ANKRD18A: variants seen among roughly 807,000 people sequenced by gnomAD.
ANKRD18A encodes the protein ankyrin repeat domain-containing protein 18A.
ANKRD18A carries 72 observed loss-of-function variants against 110.6 expected under a neutral mutation model. The observed-to-expected ratio is 0.65, with a 90% confidence interval of 0.54 to 0.79. ANKRD18A has a LOEUF of 0.79. Among genes scored for constraint, ANKRD18A ranks in the 30% least tolerant of loss-of-function variants. The pLI is 0.00. For synonymous variants in ANKRD18A, 305 were observed against 410.3 expected (o/e 0.74, Z 3.10); for missense variants, 934 against 1,163.3 (o/e 0.80, Z 2.87).
intron 15 of ANKRD18A, among the ~76,000 whole-genome samples, chr9:38,574,953 G>A (rs1231828145): frequency 6.6e-6 from 1 of 151,976 alleles, no homozygotes; most frequent in Non-Finnish European, 1.5e-5. Flanking sequence ...AATTAGCCAG[G>A]TGTGGTGGCA....
chr9:38,612,521 C>CTTTTTCTT (rs1554679656), intron 3 of ANKRD18A, among the ~76,000 whole-genome samples: 170 of 124,282 alleles, frequency 1.4e-3, no homozygotes, highest in African/African-American at 5.1e-3. Context: ...TTTTCTTTTT[C>CTTTTTCTT]TTTTTTTTTT....
At chr9:38,612,521 C>CTTTTTCT (rs1554679656) in intron 3 of ANKRD18A, among the ~76,000 whole-genome samples, 5 of 124,312 alleles carry the variant, frequency 4.0e-5, no homozygotes, top group African/African-American at 1.7e-4. Context: ...TTTTCTTTTT[C>CTTTTTCT]TTTTTTTTTT....
At chr9:38,587,378 C>T (rs1824431618) in intron 11 of ANKRD18A, among the ~76,000 whole-genome samples, 1 of 152,056 alleles carries the variant, frequency 6.6e-6, no homozygotes, top group African/African-American at 2.4e-5. Context: ...AGACACATTC[C>T]ATTTTTTTAA....
intron 5 of ANKRD18A, among the ~76,000 whole-genome samples, chr9:38,608,697 T>A (rs1443823138): frequency 6.8e-6 from 1 of 146,364 alleles, no homozygotes; most frequent in Non-Finnish European, 1.5e-5. Flanking sequence ...AATAATATAA[T>A]TATATACATT....
At chr9:38,567,365 CA>C (rs1468080440), downstream of ANKRD18A, 2 of 152,230 alleles carry the variant, frequency 1.3e-5, no homozygotes, top group Non-Finnish European at 2.9e-5. Flanking sequence ...GAACTGGAAA[CA>C]GTGCACAATC....
chr9:38,573,141 A>AAAT (rs753717567), intron 15 of ANKRD18A: 48 of 1,178,940 alleles, frequency 4.1e-5, no homozygotes, highest in Admixed American at 6.7e-5. Flanking sequence ...TAAAATAAGT[A>AAAT]AATAATAATA....
chr9:38,570,370 C>T (rs185182733), downstream of ANKRD18A, among the ~76,000 whole-genome samples: 1,040 of 152,282 alleles, frequency 6.8e-3, 15 homozygotes, highest in African/African-American at 0.023. Flanking sequence ...TGACCAGGCT[C>T]CAAGCCACTA....
At chr9:38,617,332 C>T (rs1473891983) in intron 1 of ANKRD18A, among the ~76,000 whole-genome samples, 4 of 152,018 alleles carry the variant, frequency 2.6e-5, no homozygotes, top group African/African-American at 7.2e-5. Context: ...CCCAGCTACT[C>T]GGGAGGCTGA....
At chr9:38,567,512 A>T (rs1823510962), downstream of ANKRD18A, 1 of 152,938 alleles carries the variant, frequency 6.5e-6, no homozygotes, top group Admixed American at 6.5e-5. Context: ...TTTCAGCCAC[A>T]GTGTCCAAAG....
intron 1 of ANKRD18A, among the ~76,000 whole-genome samples, chr9:38,619,654 A>G: frequency 6.6e-6 from 1 of 152,206 alleles, no homozygotes; most frequent in Non-Finnish European, 1.5e-5. Context: ...GAGTCTTCCC[A>G]TTCAAGGAAC....
downstream of ANKRD18A, chr9:38,569,118 C>T (rs183535510): frequency 2.0e-6 from 2 of 985,384 alleles, no homozygotes; most frequent in South Asian, 4.7e-5. Flanking sequence ...GATGCAGGAA[C>T]CAAGTAGGGC....
chr9:38,569,081 C>T (rs543425736), downstream of ANKRD18A: 9,782 of 985,314 alleles, frequency 9.9e-3, 68 homozygotes, highest in Non-Finnish European at 0.011. Context: ...CCATGTTGGG[C>T]TGGTCACTAC....
At chr9:38,609,683 C>T (rs2118862428) in intron 5 of ANKRD18A, among the ~76,000 whole-genome samples, 1 of 151,706 alleles carries the variant, frequency 6.6e-6, no homozygotes, top group East Asian at 1.9e-4. Flanking sequence ...GGCCTTTTCC[C>T]CTCTTCTTCT....
At chr9:38,610,231 C>T in intron 5 of ANKRD18A, 42 bp downstream of exon 5, 1 of 1,467,606 alleles carries the variant, frequency 6.8e-7, no homozygotes, top group Non-Finnish European at 9.0e-7. Flanking sequence ...TTATTTTAAA[C>T]CTTAATTTAG....
At position 38,620,588 on chromosome 9, in the gene ANKRD18A, A is replaced by G; in HGVS notation, c.-303T>C. ...CTGAACCTCAGCGCTCCGAACTCTC[A>G]GACCGAGTGAGTCCCCGCGATGCCA... On this transcript the variant is annotated 5_prime_UTR_variant, in exon 1 of 16. Coordinates refer to ENST00000399703, the MANE Select transcript of ANKRD18A (RefSeq NM_147195.4). 3.8e-6 allele frequency: 3 copies of G among 794,402 alleles called. No homozygotes were observed. Among genetic ancestry groups the G allele is most frequent in the Non-Finnish European group, 5.0e-6 (3 of 599,142 alleles). 49.2% of individuals were successfully genotyped at this position (794,402 alleles called of 1,614,324 possible).
chr9:38,596,465 C>A, intron 8 of ANKRD18A, 62 bp from the exon 9 acceptor site: 1 of 1,302,812 alleles, frequency 7.7e-7, no homozygotes. Flanking sequence ...ATGGTTATTT[C>A]TGAAGTGAAA....
Position 38,588,687 on chromosome 9 carries a change from A to C in ANKRD18A, c.2005-24T>G, listed in dbSNP as rs1363034503. The C allele has an allele frequency of 9.5e-6, 12 of 1,263,722 alleles. 1 individual carries two copies. The East Asian group carries it at 3.5e-4, about 37-fold the overall frequency. 78.3% of individuals were successfully genotyped at this position (1,263,722 alleles called of 1,614,324 possible). ...GGCTTGAAAAAAAGTGTTTAAAATTATTTTTGTAAAATCTAGAGACCCTCT... is the reference window on the plus strand; with the variant it reads ...GGCTTGAAAAAAAGTGTTTAAAATTCTTTTTGTAAAATCTAGAGACCCTCT... On this transcript the variant is annotated intron_variant, in intron 10 of 15. Transcript: ENST00000399703.
intron 10 of ANKRD18A, among the ~76,000 whole-genome samples, chr9:38,590,501 C>T (rs890788760): frequency 1.3e-5 from 2 of 152,198 alleles, no homozygotes; most frequent in African/African-American, 4.8e-5. Context: ...ATCCACCCAC[C>T]TCAGCCTCCC....
intron 15 of ANKRD18A, 98 bp from the exon 16 acceptor site, chr9:38,572,157 A>G (rs1823674634): frequency 2.2e-6 from 2 of 893,286 alleles, no homozygotes; most frequent in Admixed American, 6.5e-5. Flanking sequence ...ATCAGAGTTA[A>G]TAAGAATGAG....
Sources: allele counts gnomAD v4.1 joint callset (sites outside exome capture counted in the v4.1 genomes callset), GRCh38; gene constraint gnomAD v4.1.1; transcripts MANE v1.5; gene names NCBI Gene and HGNC (gene_info 2026-07-23, HGNC 2026-07-21).